The following RCHY1 variants were observed in gnomAD, a reference collection of about 807,000 sequenced individuals.
RCHY1 encodes RING finger and CHY zinc finger domain-containing protein 1.
RCHY1 carries 21 observed loss-of-function variants against 41.6 expected under a neutral mutation model. That is an observed-to-expected ratio of 0.51 (90% CI 0.36 to 0.73). The LOEUF is 0.73. Among genes scored for constraint, RCHY1 ranks in the 30% least tolerant of loss-of-function variants. The probability of loss-of-function intolerance (pLI) is 0.00; values close to 1 mark genes in which losing one functional copy is unlikely to be tolerated. For synonymous variants in RCHY1, 79 were observed against 102.9 expected (o/e 0.77, Z 1.41); for missense variants, 265 against 325.3 (o/e 0.81, Z 1.43).
intron 8 of RCHY1, among the ~76,000 whole-genome samples, chr4:75,489,209 T>C (rs1321833296): frequency 2.0e-5 from 3 of 152,194 alleles, no homozygotes; most frequent in Non-Finnish European, 4.4e-5. Flanking sequence ...AATGTTTGCT[T>C]TGTCGAAACC....
chr4:75,490,538 C>G (rs1385352094), intron 8 of RCHY1, 43 bp downstream of exon 8: 1 of 1,547,136 alleles, frequency 6.5e-7, no homozygotes, highest in Non-Finnish European at 8.7e-7. Flanking sequence ...AATAAGAGTG[C>G]CAACAAGGAG....
At chr4:75,496,141 C>T (rs903405457) in intron 3 of RCHY1, among the ~76,000 whole-genome samples, 7 of 151,968 alleles carry the variant, frequency 4.6e-5, no homozygotes, top group African/African-American at 7.2e-5. Flanking sequence ...GATAGAATAA[C>T]GGAGATCAGA....
intron 3 of RCHY1, among the ~76,000 whole-genome samples, chr4:75,495,375 T>A (rs1164237263): frequency 1.3e-5 from 2 of 152,028 alleles, no homozygotes; most frequent in Non-Finnish European, 2.9e-5. Flanking sequence ...AAAGGTTAGA[T>A]TGCTACTTGT....
chr4:75,504,999 T>C (rs140695710), intron 3 of RCHY1, among the ~76,000 whole-genome samples: 2 of 152,328 alleles, frequency 1.3e-5, no homozygotes, highest in Non-Finnish European at 2.9e-5. Flanking sequence ...ACCTACTGTA[T>C]ATACGGCAGC....
At chr4:75,492,493 A>G (rs1032044814) in intron 4 of RCHY1, among the ~76,000 whole-genome samples, 5 of 151,942 alleles carry the variant, frequency 3.3e-5, no homozygotes, top group Admixed American at 3.3e-4. Flanking sequence ...TCACACATTA[A>G]TAAGAGGCAG....
At chr4:75,495,303 G>T (rs1039083417) in intron 3 of RCHY1, among the ~76,000 whole-genome samples, 5 of 151,776 alleles carry the variant, frequency 3.3e-5, no homozygotes, top group African/African-American at 1.2e-4. Flanking sequence ...TATACTTCTA[G>T]TACTTACAGC....
At chr4:75,498,817 A>G (rs1723463412) in intron 3 of RCHY1, among the ~76,000 whole-genome samples, 1 of 152,186 alleles carries the variant, frequency 6.6e-6, no homozygotes, top group South Asian at 2.1e-4. Flanking sequence ...TAAACCTAAG[A>G]CCTGAAACTA....
chr4:75,511,222 C>A (rs1410100605), intron 1 of RCHY1, among the ~76,000 whole-genome samples: 1 of 152,058 alleles, frequency 6.6e-6, no homozygotes, highest in African/African-American at 2.4e-5. Flanking sequence ...ATTTAACATG[C>A]AATATCAAAA....
At chr4:75,491,134 A>G (rs1207713155) in intron 7 of RCHY1, 2 of 159,382 alleles carry the variant, frequency 1.3e-5, no homozygotes, top group African/African-American at 4.8e-5. Context: ...TTGCTCATCA[A>G]TATGTAGGAC....
intron 3 of RCHY1, among the ~76,000 whole-genome samples, chr4:75,504,945 A>G (rs1258558842): frequency 6.6e-6 from 1 of 152,226 alleles, no homozygotes; most frequent in African/African-American, 2.4e-5. Flanking sequence ...TTATCATAAT[A>G]CTGAAAACAC....
rs754245076 is a variant in RCHY1, at chr4:75,508,808, T to C, written c.326+12A>G. ...TAGAAGCAATTAGATAAGAACACTT[T>C]ACATACAGTACCTACAAATTCCACA... is the stretch of plus-strand genomic sequence containing the variant. On this transcript the variant is annotated intron_variant, in intron 3 of 8. Transcript: ENST00000324439. 2 of 1,487,434 alleles carry C rather than the reference T, an allele frequency of 1.3e-6. No individual in the cohort carries two copies. The highest frequency in any genetic ancestry group is 1.2e-5 in the South Asian group (1 of 84,008). The allele number at this position is 1,487,434 out of a possible 1,614,324, so 92.1% of individuals were successfully genotyped here.
intron 2 of RCHY1, 54 bp from the exon 3 acceptor site, chr4:75,508,989 A>C (rs1047150651): frequency 6.9e-5 from 92 of 1,334,678 alleles, no homozygotes; most frequent in Non-Finnish European, 9.4e-5. Context: ...TTGAGTTACC[A>C]TTTGAATATC....
chr4:75,488,641 T>C (rs1348987710), intron 8 of RCHY1, among the ~76,000 whole-genome samples: 3 of 152,186 alleles, frequency 2.0e-5, no homozygotes, highest in Non-Finnish European at 4.4e-5. Context: ...AAATTACCTA[T>C]AATAACCCTT....
intron 8 of RCHY1, among the ~76,000 whole-genome samples, chr4:75,487,562 C>CATAATATATATATTCATAATATATTA (rs1722184655): frequency 1.3e-5 from 1 of 79,952 alleles, no homozygotes; most frequent in Non-Finnish European, 2.2e-5. Flanking sequence ...ATAATATATT[C>CATAATATATATATTCATAATATATTA]ATAATATATA....
At chr4:75,487,838 TAATATATATTCATAATATATATATTCATA>T (rs879688125) in intron 8 of RCHY1, among the ~76,000 whole-genome samples, 15,867 of 100,972 alleles carry the variant, frequency 0.16, 3,112 homozygotes, top group Non-Finnish European at 0.21. Context: ...TATATATTCA[TAATATATATTCATAATATATATATTCATA>T]ATATATATTC....
At chr4:75,508,749 A>T in intron 3 of RCHY1, 71 bp downstream of exon 3, 1 of 810,920 alleles carries the variant, frequency 1.2e-6, no homozygotes. Context: ...CACCTTAATA[A>T]AGTTGATTTT....
chr4:75,498,075 C>A, intron 3 of RCHY1, among the ~76,000 whole-genome samples: 1 of 148,910 alleles, frequency 6.7e-6, no homozygotes. Context: ...AAAACAAAAG[C>A]TGGTGTTTTT....
intron 1 of RCHY1, among the ~76,000 whole-genome samples, chr4:75,512,176 A>C (rs956321228): frequency 1.3e-5 from 2 of 152,160 alleles, no homozygotes; most frequent in African/African-American, 4.8e-5. Flanking sequence ...GACACTTACT[A>C]CCACGTTTCC....
intron 6 of RCHY1, 43 bp from the exon 7 acceptor site, chr4:75,491,680 C>G: frequency 1.2e-6 from 2 of 1,601,414 alleles, no homozygotes; most frequent in South Asian, 1.1e-5. Flanking sequence ...CAAAAACTGT[C>G]TCCACTATTT....
Sources: gnomAD v4.1 joint callset for allele counts (sites outside exome capture counted in the v4.1 genomes callset) on GRCh38, gnomAD v4.1.1 for gene constraint, MANE v1.5 for transcripts, NCBI Gene and HGNC (gene_info 2026-07-23, HGNC 2026-07-21) for gene names.